The following DENND4A variants were observed in gnomAD, a reference collection of about 807,000 sequenced individuals.
DENND4A encodes the protein C-myc promoter-binding protein.
DENND4A carries 70 observed loss-of-function variants against 199.3 expected under a neutral mutation model. The observed-to-expected ratio is 0.35, with a 90% CI of 0.29 to 0.43. DENND4A has a LOEUF of 0.43. Among genes scored for constraint, DENND4A ranks in the 20% least tolerant of loss-of-function variants. DENND4A has a pLI of 1.00. For missense variants in DENND4A, 1,723 were observed against 2,255.8 expected, an observed-to-expected ratio of 0.76 and a Z score of 4.78; for synonymous variants, 686 against 766.9, an observed-to-expected ratio of 0.89 and a Z score of 1.74.
At chr15:65,689,279 T>C (rs1567007154) in intron 23 of DENND4A, among the ~76,000 whole-genome samples, 1 of 152,216 alleles carries the variant, frequency 6.6e-6, no homozygotes. Flanking sequence ...TCAAAGTCCC[T>C]TGTTAATTCA....
intron 23 of DENND4A, among the ~76,000 whole-genome samples, chr15:65,683,194 G>A (rs1469091914): frequency 2.0e-5 from 3 of 152,068 alleles, no homozygotes; most frequent in Non-Finnish European, 2.9e-5. Flanking sequence ...GCAATAAAAT[G>A]AGACCTGCCT....
intron 4 of DENND4A, 133 bp downstream of exon 4, chr15:65,752,246 A>T (rs2076584360): frequency 1.5e-5 from 13 of 856,990 alleles, no homozygotes; most frequent in Non-Finnish European, 1.9e-5. Context: ...TTAAAAACAC[A>T]TTTTTCAATT....
At chr15:65,733,402 A>G (rs1482928954) in intron 7 of DENND4A, among the ~76,000 whole-genome samples, 4 of 152,106 alleles carry the variant, frequency 2.6e-5, no homozygotes, top group African/African-American at 9.7e-5. Flanking sequence ...CCTAGGGGGG[A>G]ATAAGCTATT....
At chr15:65,728,865 A>T in intron 11 of DENND4A, 1 of 602,038 alleles carries the variant, frequency 1.7e-6, no homozygotes, top group Non-Finnish European at 3.0e-6. Flanking sequence ...TGAAAGGTAT[A>T]GTCCTTCCAA....
At position 65,752,440 on chromosome 15, in the gene DENND4A, C is replaced by G. The variant is rs752682760; in HGVS notation, c.500G>C (p.Ser167Thr). 2.5e-6 allele frequency: 4 copies of G among 1,613,280 alleles called. No homozygotes were observed. Among genetic ancestry groups the G allele is most frequent in the Non-Finnish European group, 3.4e-6 (4 of 1,179,718 alleles). The stretch of plus-strand genomic sequence containing the variant: ...CGTGTGTGGTGGGCTTTCTCCTTTA[C>G]TGGGTATAATAATACATATGTCAGT... The part of the protein sequence containing the change: ...AVTDICIIIP[S>T]KGESPPHTFC... Residue 167 changes from serine to threonine, a missense_variant, in exon 4 of 33, where the codon AGT (serine) becomes ACT (threonine). Transcript: ENST00000443035.
At chr15:65,784,846 T>C (rs900111922) in intron 1 of DENND4A, among the ~76,000 whole-genome samples, 1 of 152,016 alleles carries the variant, frequency 6.6e-6, no homozygotes, top group African/African-American at 2.4e-5. Flanking sequence ...ACTAATTATA[T>C]TAATAAAAAT....
At chr15:65,676,367 T>C in intron 24 of DENND4A, 78 bp downstream of exon 24, 11 of 1,227,874 alleles carry the variant, frequency 9.0e-6, no homozygotes, top group Non-Finnish European at 1.2e-5. Flanking sequence ...CATTAAATCA[T>C]AAAGAAAAAA....
At chr15:65,715,435 C>A in intron 14 of DENND4A, 43 bp downstream of exon 14, 1 of 1,536,936 alleles carries the variant, frequency 6.5e-7, no homozygotes. Context: ...TTATAACAGT[C>A]ACACAAAATA....
In DENND4A at chr15:65,702,486, G is replaced by A. The variant is rs970294186; in HGVS notation, c.2249C>T (p.Ala750Val). Reference sequence around the variant, plus strand: ...CTGAGGGATGGAAGAGTACCTCTTTGCAATTTTATGGGCTGATTTAATTTC... The same window carrying A: ...CTGAGGGATGGAAGAGTACCTCTTTACAATTTTATGGGCTGATTTAATTTC... ...KQEIKSAHKI[A>V]KRYSSIPQMW... The change falls in exon 17 of 33, where the codon GCA (alanine) becomes GTA (valine). Residue 750 changes from alanine to valine, a missense_variant. Coordinates refer to ENST00000443035, the MANE Select transcript of DENND4A (RefSeq NM_001320835.1). 6.3e-7 allele frequency: 1 copy of A among 1,591,506 alleles called. No individual in the cohort carries two copies. The highest frequency in any genetic ancestry group is 1.8e-5 in the Admixed American group (1 of 56,696).
intron 1 of DENND4A, among the ~76,000 whole-genome samples, chr15:65,791,372 T>C (rs1241863867): frequency 2.0e-5 from 3 of 152,230 alleles, no homozygotes; most frequent in Non-Finnish European, 4.4e-5. Context: ...ACAAGCTTTT[T>C]ACTGTTTTTC....
chr15:65,764,414 T>G (rs887710273), intron 1 of DENND4A, among the ~76,000 whole-genome samples: 1 of 152,120 alleles, frequency 6.6e-6, no homozygotes, highest in Non-Finnish European at 1.5e-5. Context: ...GAGGATCACT[T>G]GAGATCAGGG....
At chr15:65,684,631 CG>C (rs2076692675) in intron 23 of DENND4A, among the ~76,000 whole-genome samples, 1 of 152,100 alleles carries the variant, frequency 6.6e-6, no homozygotes, top group Non-Finnish European at 1.5e-5. Context: ...ACAGAATTTG[CG>C]TATCTTTTCC....
chr15:65,715,982 T>A lies in DENND4A; in HGVS notation c.1808-359A>T, dbSNP rs2075386539. Among the ~76,000 whole-genome samples the A allele has an allele frequency of 2.0e-5, 3 of 152,014 alleles. No homozygotes were observed. In the South Asian group the frequency reaches 6.2e-4, roughly 31 times the overall value. ...TATAAATATATATATCATATATATA[T>A]AAATGGCTTTCTCAAAGCAGCAGTA... On this transcript the variant is annotated intron_variant, in intron 13 of 32. Transcript: ENST00000443035.
At chr15:65,665,484 C>G (rs745915201) in intron 29 of DENND4A, 22 bp from the exon 30 acceptor site, 2 of 1,540,538 alleles carry the variant, frequency 1.3e-6, no homozygotes, top group Non-Finnish European at 1.8e-6. Context: ...AATAAACATT[C>G]ATTAATGATC....
At chr15:65,710,574 CT>C (rs2075215763) in intron 14 of DENND4A, among the ~76,000 whole-genome samples, 1 of 151,976 alleles carries the variant, frequency 6.6e-6, no homozygotes, top group Admixed American at 6.6e-5. Flanking sequence ...GAAACATCAT[CT>C]TTATATACAA....
chr15:65,784,562 A>G lies in DENND4A; in HGVS notation c.-102+7448T>C, dbSNP rs2077517196. On this transcript the variant is annotated intron_variant, in intron 1 of 32. Coordinates refer to ENST00000443035, the MANE Select transcript of DENND4A (RefSeq NM_001320835.1). ...ATAAGAAAACATTTATTCAAATTAA[A>G]TAAAAATATGGGGAAGTTGTTGCCT... 2.0e-5 allele frequency among the ~76,000 whole-genome samples: 3 copies of G among 152,280 alleles called. No individual in the cohort carries two copies. The South Asian group carries it at 6.2e-4, about 32-fold the overall frequency.
chr15:65,665,257 A>G, intron 30 of DENND4A, 88 bp downstream of exon 30: 1 of 968,898 alleles, frequency 1.0e-6, no homozygotes, highest in Non-Finnish European at 1.5e-6. Context: ...AGTAAAATAA[A>G]AGTCAGTTAT....
Position 65,696,467 on chromosome 15 carries a change from G to A in DENND4A, c.2981C>T (p.Ala994Val). ...ATAACTGAGCTTAGGAAGGCAATCA[G>A]CACTTCCTTTTGTACTCTCACTCTC... ...LSESESTKGS[A>V]DCLPKLSYQN... is the part of the protein sequence containing the mutation. The change falls in exon 22 of 33, where the codon GCT (alanine) becomes GTT (valine). Residue 994 changes from alanine (A) to valine (V), a missense_variant. By Grantham distance (64) the Ala-to-Val change is moderately conservative. Around this residue, in one of 6 missense-constraint regions of DENND4A, gnomAD observed 650 missense variants for 738.1 expected, o/e 0.88. Transcript: ENST00000443035. 2 of 1,612,078 alleles carry A rather than the reference G, an allele frequency of 1.2e-6. No homozygotes were observed. The highest frequency in any genetic ancestry group is 2.2e-5 in the East Asian group (1 of 44,786).
chr15:65,782,960 AG>A (rs2077471062), intron 1 of DENND4A, among the ~76,000 whole-genome samples: 1 of 151,472 alleles, frequency 6.6e-6, no homozygotes, highest in African/African-American at 2.4e-5. Context: ...TACTGATGGA[AG>A]GGATCTTTTT....
Sources: allele counts gnomAD v4.1 joint callset (sites outside exome capture counted in the v4.1 genomes callset), GRCh38; gene constraint gnomAD v4.1.1; regional missense constraint gnomAD v4.1.1; transcripts MANE v1.5; gene names NCBI Gene and HGNC (gene_info 2026-07-23, HGNC 2026-07-21).